Variants in CHCHD3 observed in about 807,000 individuals in gnomAD.
The protein encoded by CHCHD3 is MICOS complex subunit MIC19.
CHCHD3 carries 20 observed loss-of-function variants against 38.2 expected under a neutral mutation model. The ratio of observed to expected loss-of-function variants is 0.52; its 90% CI spans 0.37 to 0.76. The LOEUF (loss-of-function observed/expected upper bound fraction) is 0.76. Ranked by LOEUF, CHCHD3 falls within the 30% of genes least tolerant of loss-of-function variation. The pLI is 0.00. For synonymous variants in CHCHD3, 82 were observed against 100.0 expected, an observed-to-expected ratio of 0.82 and a Z score of 1.07; for missense variants, 245 against 279.2, an observed-to-expected ratio of 0.88 and a Z score of 0.87.
At chr7:132,888,658 T>C (rs1809279304) in intron 4 of CHCHD3, among the ~76,000 whole-genome samples, 1 of 151,860 alleles carries the variant, frequency 6.6e-6, no homozygotes, top group African/African-American at 2.4e-5. Flanking sequence ...GAGTGAACAA[T>C]AGATGTTTGG....
At chr7:133,032,461 A>T (rs1813530259) in intron 2 of CHCHD3, among the ~76,000 whole-genome samples, 1 of 152,224 alleles carries the variant, frequency 6.6e-6, no homozygotes, top group African/African-American at 2.4e-5. Flanking sequence ...CATCAAGTTA[A>T]TGGCTTATTT....
At chr7:132,876,656 C>T (rs1171414197) in intron 5 of CHCHD3, among the ~76,000 whole-genome samples, 1 of 152,182 alleles carries the variant, frequency 6.6e-6, no homozygotes, top group Non-Finnish European at 1.5e-5. Flanking sequence ...TTTAAAGCTG[C>T]ACTGTATATT....
At chr7:133,065,810 T>A (rs1319370198) in intron 2 of CHCHD3, among the ~76,000 whole-genome samples, 1 of 152,236 alleles carries the variant, frequency 6.6e-6, no homozygotes, top group African/African-American at 2.4e-5. Flanking sequence ...AATAAATCTT[T>A]GTTAATTTAC....
intron 4 of CHCHD3, among the ~76,000 whole-genome samples, chr7:132,912,902 T>C (rs1410003889): frequency 6.6e-6 from 1 of 152,142 alleles, no homozygotes; most frequent in East Asian, 1.9e-4. Context: ...TGTTATGAGG[T>C]CAAATGGTTT....
chr7:132,965,348 C>G (rs1175706361), intron 4 of CHCHD3, among the ~76,000 whole-genome samples: 2 of 151,810 alleles, frequency 1.3e-5, no homozygotes, highest in African/African-American at 4.8e-5. Flanking sequence ...GTTTCACAGT[C>G]TCTTTGAATG....
chr7:133,081,847 G>C lies in CHCHD3; in HGVS notation c.81+10C>G, dbSNP rs370909354. 6.4e-7 allele frequency: 1 copy of C among 1,552,522 alleles called. No homozygotes were observed. The highest frequency in any genetic ancestry group is 8.7e-7 in the Non-Finnish European group (1 of 1,147,352). ...AACCACTGGCCCTCCGCCCGTCCAC[G>C]GGCACTCACCCGGATGCCCTTCACC... On this transcript the variant is annotated intron_variant, in intron 1 of 7. Transcript: ENST00000262570.
intron 6 of CHCHD3, among the ~76,000 whole-genome samples, chr7:132,819,350 C>T (rs968839707): frequency 2.0e-5 from 3 of 152,172 alleles, no homozygotes; most frequent in African/African-American, 7.2e-5. Context: ...TTAGCCCAGG[C>T]TTTTAAATCC....
At position 133,046,573 on chromosome 7, in the gene CHCHD3, G is replaced by A. The variant is rs538866014; in HGVS notation, c.170-21946C>T. On this transcript the variant is annotated intron_variant, in intron 2 of 7. Coordinates refer to ENST00000262570, the MANE Select transcript of CHCHD3 (RefSeq NM_017812.4). ...TTTGTAATGCTATGTATTTTTTTGG[G>A]GGGGGGAGACGGAGTCTCCCTTCTG... Among the ~76,000 whole-genome samples, 6 of 48,576 alleles carry A rather than the reference G, an allele frequency of 1.2e-4. No individual in the cohort carries two copies. In the South Asian group the frequency reaches 4.2e-3, roughly 34 times the overall value. The allele number at this position is 48,576 out of a possible 152,430, so 31.9% of individuals were successfully genotyped here.
intron 4 of CHCHD3, among the ~76,000 whole-genome samples, chr7:132,914,955 A>G (rs1810066313): frequency 6.6e-6 from 1 of 152,156 alleles, no homozygotes; most frequent in African/African-American, 2.4e-5. Context: ...TGAGGTCCGG[A>G]GTTTGAGACG....
intron 2 of CHCHD3, among the ~76,000 whole-genome samples, chr7:133,027,125 G>C (rs887118380): frequency 1.3e-5 from 2 of 151,834 alleles, no homozygotes; most frequent in African/African-American, 2.4e-5. Context: ...TTTTGGTAGA[G>C]ACGGGATTTC....
At chr7:132,884,729 T>A (rs1240997323) in intron 5 of CHCHD3, among the ~76,000 whole-genome samples, 3 of 152,264 alleles carry the variant, frequency 2.0e-5, no homozygotes, top group African/African-American at 4.8e-5. Context: ...AGATAACCAA[T>A]CTACTTTATT....
In CHCHD3 at chr7:132,974,132, G is replaced by A. The variant is rs928076737; in HGVS notation, c.369+1037C>T. ...TTTCAGAAAAATGTTCAGTGACATA[G>A]GAAAATGTTCATGAGGCTTAACACC... On this transcript the variant is annotated intron_variant, in intron 4 of 7. Coordinates refer to ENST00000262570, the MANE Select transcript of CHCHD3 (RefSeq NM_017812.4). 1.5e-5 allele frequency: 12 copies of A among 803,842 alleles called. No individual in the cohort carries two copies. The African/African-American group carries it at 2.2e-4, about 15-fold the overall frequency. 49.8% of individuals were successfully genotyped at this position (803,842 alleles called of 1,614,324 possible). A position where few individuals can be genotyped will look rare whatever the true frequency, so the allele number is the denominator to read the frequency against.
intron 3 of CHCHD3, among the ~76,000 whole-genome samples, chr7:133,015,950 G>C (rs1433793870): frequency 1.3e-5 from 1 of 75,090 alleles, no homozygotes; most frequent in Non-Finnish European, 2.7e-5. Context: ...AAGAGAAAGA[G>C]GGAGAGGGAC....
At chr7:132,904,950 A>G (rs1809759361) in intron 4 of CHCHD3, among the ~76,000 whole-genome samples, 1 of 152,212 alleles carries the variant, frequency 6.6e-6, no homozygotes, top group Non-Finnish European at 1.5e-5. Context: ...CAGGACATGG[A>G]TGAAGCTGGA....
At chr7:133,057,286 G>T (rs1584677293) in intron 2 of CHCHD3, among the ~76,000 whole-genome samples, 1 of 152,202 alleles carries the variant, frequency 6.6e-6, no homozygotes, top group Non-Finnish European at 1.5e-5. Context: ...TTCAGGCCAG[G>T]CTCAATGGCT....
intron 3 of CHCHD3, among the ~76,000 whole-genome samples, chr7:132,985,221 G>A (rs1200911405): frequency 2.5e-5 from 2 of 79,462 alleles, no homozygotes; most frequent in African/African-American, 4.8e-5. Flanking sequence ...CCCCCCGCCC[G>A]GCCAGCCGCC....
chr7:132,988,195 A>G (rs1812172895), intron 3 of CHCHD3, among the ~76,000 whole-genome samples: 1 of 152,058 alleles, frequency 6.6e-6, no homozygotes, highest in African/African-American at 2.4e-5. Context: ...AAACTTACCC[A>G]TAGTCAAATT....
intron 1 of CHCHD3, among the ~76,000 whole-genome samples, chr7:133,073,481 C>T (rs943497653): frequency 2.6e-5 from 4 of 152,192 alleles, no homozygotes; most frequent in African/African-American, 9.7e-5. Context: ...CCAGAAGCAC[C>T]TCACACCCAA....
intron 4 of CHCHD3, among the ~76,000 whole-genome samples, chr7:132,943,660 A>G (rs1466332400): frequency 6.6e-6 from 1 of 152,136 alleles, no homozygotes; most frequent in Non-Finnish European, 1.5e-5. Flanking sequence ...CACTCTAAGC[A>G]TATAGTTACT....
Sources: gnomAD v4.1 joint callset for allele counts (sites outside exome capture counted in the v4.1 genomes callset) on GRCh38, gnomAD v4.1.1 for gene constraint, MANE v1.5 for transcripts, NCBI Gene and HGNC (gene_info 2026-07-23, HGNC 2026-07-21) for gene names.